The following MACROH2A2 variants were observed in gnomAD, a reference collection of about 807,000 sequenced individuals.
The protein encoded by MACROH2A2 is macroH2A.2 histone, also known as core histone macro-H2A.2.
In MACROH2A2, 6 loss-of-function variants were observed where a neutral mutation model predicts 37.6. The ratio of observed to expected loss-of-function variants is 0.16; its 90% CI spans 0.09 to 0.32. The LOEUF is 0.32. MACROH2A2 is among the 10% of genes least tolerant of loss of function. The pLI, the probability that MACROH2A2 is intolerant of heterozygous loss-of-function variation, is 1.00. For missense variants in MACROH2A2, 290 were observed against 485.9 expected, an observed-to-expected ratio of 0.60 and a Z score of 3.79; for synonymous variants, 192 against 202.7, an observed-to-expected ratio of 0.95 and a Z score of 0.45.
At chr10:70,084,119 A>G (rs994317367) in intron 2 of MACROH2A2, among the ~76,000 whole-genome samples, 2 of 152,206 alleles carry the variant, frequency 1.3e-5, no homozygotes, top group African/African-American at 2.4e-5. Flanking sequence ...ACTGTGTAAC[A>G]TAGACACTTG....
At chr10:70,106,639 A>G (rs552458528) in intron 7 of MACROH2A2, among the ~76,000 whole-genome samples, 1 of 152,150 alleles carries the variant, frequency 6.6e-6, no homozygotes, top group East Asian at 1.9e-4. Flanking sequence ...TCTACTAAAA[A>G]TACAAAAAAT....
chr10:70,108,958 G>T, intron 7 of MACROH2A2, 75 bp from the exon 8 acceptor site: 1 of 1,315,002 alleles, frequency 7.6e-7, no homozygotes, highest in South Asian at 1.3e-5. Context: ...GATCTAACAG[G>T]TACCTGATGA....
intron 2 of MACROH2A2, among the ~76,000 whole-genome samples, chr10:70,080,051 G>T (rs1033041080): frequency 6.6e-6 from 1 of 152,074 alleles, no homozygotes; most frequent in African/African-American, 2.4e-5. Context: ...ATGCAGAAGC[G>T]GGCAGATCAC....
intron 2 of MACROH2A2, among the ~76,000 whole-genome samples, chr10:70,082,394 G>A (rs1311662280): frequency 2.0e-5 from 3 of 150,692 alleles, no homozygotes; most frequent in Non-Finnish European, 2.9e-5. Flanking sequence ...CTCCAGCCTG[G>A]GCAACAAGAG....
At chr10:70,080,810 G>A (rs549782371) in intron 2 of MACROH2A2, among the ~76,000 whole-genome samples, 1 of 148,512 alleles carries the variant, frequency 6.7e-6, no homozygotes, top group East Asian at 2.0e-4. Flanking sequence ...ACTTTAACCC[G>A]GGAGGTGGAG....
intron 1 of MACROH2A2, among the ~76,000 whole-genome samples, chr10:70,070,936 A>G (rs926613924): frequency 6.6e-6 from 1 of 151,864 alleles, no homozygotes; most frequent in Admixed American, 6.6e-5. Flanking sequence ...CTGCACACCT[A>G]GTCATTCTCT....
chr10:70,072,036 C>A, intron 1 of MACROH2A2, among the ~76,000 whole-genome samples: 1 of 151,992 alleles, frequency 6.6e-6, no homozygotes, highest in South Asian at 2.1e-4. Flanking sequence ...ATAAATTATC[C>A]AATAATAAAT....
chr10:70,067,790 G>A (rs2072087227), intron 1 of MACROH2A2, among the ~76,000 whole-genome samples: 1 of 152,076 alleles, frequency 6.6e-6, no homozygotes, highest in African/African-American at 2.4e-5. Flanking sequence ...AGTTGATGAA[G>A]TCAGAAACAG....
Position 70,053,733 on chromosome 10 carries a change from C to T in MACROH2A2, c.-60+733C>T, listed in dbSNP as rs1384496020. ...CTCCCCTTCGGTTCCCTTTCCGGGG[C>T]GCCCGGTGCCGACGCGCGCTGCGCT... On this transcript the variant is annotated intron_variant, in intron 1 of 8. Coordinates refer to ENST00000373255, the MANE Select transcript of MACROH2A2 (RefSeq NM_018649.3). The surrounding 1 kb of genome is among the most constrained non-coding windows in gnomAD (Gnocchi z 4.8). Among the ~76,000 whole-genome samples the T allele has an allele frequency of 6.6e-6, 1 of 151,860 alleles. No individual in the cohort carries two copies. The highest frequency in any genetic ancestry group is 1.5e-5 in the Non-Finnish European group (1 of 67,902).
chr10:70,108,262 G>C (rs1328739451), intron 7 of MACROH2A2, among the ~76,000 whole-genome samples: 1 of 152,248 alleles, frequency 6.6e-6, no homozygotes, highest in East Asian at 1.9e-4. Flanking sequence ...TTCATTTCCT[G>C]TGGCTACTGT....
At chr10:70,108,045 C>T (rs1288197922) in intron 7 of MACROH2A2, among the ~76,000 whole-genome samples, 1 of 151,924 alleles carries the variant, frequency 6.6e-6, no homozygotes, top group Non-Finnish European at 1.5e-5. Flanking sequence ...ATAGCAAAAC[C>T]TCATCTCTAT....
intron 7 of MACROH2A2, among the ~76,000 whole-genome samples, chr10:70,104,777 A>G (rs2072326874): frequency 6.6e-6 from 1 of 152,220 alleles, no homozygotes; most frequent in Non-Finnish European, 1.5e-5. Context: ...AGAGTGAGAC[A>G]TAGCCTTAGT....
At chr10:70,111,225 C>T (rs7899016) in intron 8 of MACROH2A2, among the ~76,000 whole-genome samples, 17,891 of 152,090 alleles carry the variant, frequency 0.12, 1,519 homozygotes, top group African/African-American at 0.23. Flanking sequence ...GCTGAGATCG[C>T]GCCACTGCAC....
chr10:70,104,632 G>A (rs60764929), intron 7 of MACROH2A2, among the ~76,000 whole-genome samples: 7,802 of 152,240 alleles, frequency 0.051, 220 homozygotes, highest in Non-Finnish European at 0.062. Flanking sequence ...CCGAGATCAC[G>A]CTATTGCACT....
chr10:70,098,976 T>C (rs2072291658), intron 6 of MACROH2A2: 1 of 152,198 alleles, frequency 6.6e-6, no homozygotes, highest in Admixed American at 6.6e-5. Context: ...ACATTCCCAT[T>C]TGGCCCTTGA....
chr10:70,071,246 T>G (rs1375366541), intron 1 of MACROH2A2, among the ~76,000 whole-genome samples: 1 of 152,176 alleles, frequency 6.6e-6, no homozygotes, highest in Non-Finnish European at 1.5e-5. Flanking sequence ...TTCAGGTGGT[T>G]TCTTGACAAC....
chr10:70,066,274 G>A (rs2072078911), intron 1 of MACROH2A2, among the ~76,000 whole-genome samples: 1 of 152,164 alleles, frequency 6.6e-6, no homozygotes, highest in South Asian at 2.1e-4. Flanking sequence ...GCTGCAGTGA[G>A]CCGTGATTAT....
chr10:70,073,573 T>C (rs560061302), intron 1 of MACROH2A2, among the ~76,000 whole-genome samples: 2 of 152,338 alleles, frequency 1.3e-5, no homozygotes, highest in Non-Finnish European at 2.9e-5. Context: ...TAAGTACATA[T>C]GAGCATTTTA....
Position 70,111,745 on chromosome 10 carries a change from T to C in MACROH2A2, c.*62T>C. On this transcript the variant is annotated 3_prime_UTR_variant, in exon 9 of 9. Transcript: ENST00000373255. ...GAGTCCCAAGAGTGGGGTTTTGCTT[T>C]TTAAAAGGAGAGAGGAGGGGTGATG... is the stretch of plus-strand genomic sequence containing the variant. 1 of 1,427,892 alleles carries C rather than the reference T, an allele frequency of 7.0e-7. No individual in the cohort carries two copies. Among genetic ancestry groups the C allele is most frequent in the East Asian group, 2.5e-5 (1 of 39,630 alleles). 88.5% of individuals were successfully genotyped at this position (1,427,892 alleles called of 1,614,324 possible). A position where few individuals can be genotyped will look rare whatever the true frequency, so the allele number is the denominator to read the frequency against.
Sources: allele counts gnomAD v4.1 joint callset (sites outside exome capture counted in the v4.1 genomes callset), GRCh38; gene constraint gnomAD v4.1.1; non-coding constraint Gnocchi (gnomAD v3.1); transcripts MANE v1.5; gene names NCBI Gene and HGNC (gene_info 2026-07-23, HGNC 2026-07-21).